Variants in COL15A1 observed in about 807,000 individuals in gnomAD.
The protein encoded by COL15A1 is collagen type XV alpha 1 chain, also known as collagen alpha-1(XV) chain.
COL15A1 carries 111 observed loss-of-function variants against 165.9 expected under a neutral mutation model. The observed-to-expected ratio is 0.67, with a 90% CI of 0.57 to 0.78. COL15A1 has a LOEUF of 0.78. Ranked by LOEUF, COL15A1 falls within the 30% of genes least tolerant of loss-of-function variation. The pLI, the probability that COL15A1 is intolerant of heterozygous loss-of-function variation, is 0.00. For missense variants in COL15A1, 1,745 were observed against 1,789.7 expected (o/e 0.98, Z 0.45); for synonymous variants, 659 against 674.8 (o/e 0.98, Z 0.36).
intron 14 of COL15A1, 74 bp downstream of exon 14, chr9:99,023,523 G>A (rs527392390): frequency 1.1e-5 from 8 of 735,230 alleles, no homozygotes; most frequent in African/African-American, 1.0e-4. Flanking sequence ...GGACGTGGGG[G>A]CCAGGGACAG....
chr9:99,034,586 T>TAAAAAAAAAAAAAAAAAAA lies in COL15A1; in HGVS notation c.2079+12_2079+30dup. On this transcript the variant is annotated splice_region_variant and intron_variant, in intron 17 of 41. Coordinates refer to ENST00000375001, the MANE Select transcript of COL15A1 (RefSeq NM_001855.5). ...CCTAATGGCTCAGTTGGTGAAAAGG[T>TAAAAAAAAAAAAAAAAAAA]AAAAAAAAAAAAAAAAAAAAAAAAA... is the stretch of plus-strand genomic sequence containing the variant. 1 of 1,073,434 alleles carries TAAAAAAAAAAAAAAAAAAA rather than the reference T, an allele frequency of 9.3e-7. No homozygotes were observed. 66.5% of individuals were successfully genotyped at this position (1,073,434 alleles called of 1,614,324 possible). A position where few individuals can be genotyped will look rare whatever the true frequency, so the allele number is the denominator to read the frequency against.
intron 26 of COL15A1, 105 bp downstream of exon 26, chr9:99,044,875 G>A: frequency 8.9e-7 from 1 of 1,124,370 alleles, no homozygotes. Flanking sequence ...ATTCAAAGAT[G>A]TGGCAAAGAT....
At chr9:99,052,774 G>A (rs111417579) in intron 31 of COL15A1, among the ~76,000 whole-genome samples, 2,129 of 152,192 alleles carry the variant, frequency 0.014, 97 homozygotes, top group South Asian at 0.12. Flanking sequence ...CCTGAGAAGC[G>A]CTGTTCCTGC....
At chr9:99,068,054 G>A (rs917393970) in intron 40 of COL15A1, among the ~76,000 whole-genome samples, 16 of 152,138 alleles carry the variant, frequency 1.1e-4, no homozygotes, top group Non-Finnish European at 2.2e-4. Flanking sequence ...AAAAGCAAAA[G>A]CGTTCATGGA....
At chr9:98,994,306 C>T (rs1838505943) in intron 5 of COL15A1, among the ~76,000 whole-genome samples, 1 of 152,190 alleles carries the variant, frequency 6.6e-6, no homozygotes. Context: ...TTCCCAACCA[C>T]ACCCAGATGC....
At chr9:98,971,084 T>A (rs1025921915) in intron 2 of COL15A1, among the ~76,000 whole-genome samples, 1 of 152,184 alleles carries the variant, frequency 6.6e-6, no homozygotes, top group African/African-American at 2.4e-5. Context: ...GCCTCCTGTA[T>A]CCTCCTCCCT....
intron 38 of COL15A1, 91 bp from the exon 39 acceptor site, chr9:99,062,959 T>G: frequency 6.8e-7 from 1 of 1,469,880 alleles, no homozygotes; most frequent in Non-Finnish European, 9.0e-7. Flanking sequence ...AAGCATCTTC[T>G]CAAGAAACAT....
At chr9:99,044,473 G>C (rs1478554879) in intron 24 of COL15A1, 95 bp from the exon 25 acceptor site, 2 of 1,125,132 alleles carry the variant, frequency 1.8e-6, no homozygotes, top group African/African-American at 3.1e-5. Flanking sequence ...AGAGGTCTCT[G>C]TACAAGGTGG....
chr9:98,989,963 AG>A (rs1838388569), intron 5 of COL15A1, among the ~76,000 whole-genome samples: 1 of 152,348 alleles, frequency 6.6e-6, no homozygotes, highest in South Asian at 2.1e-4. Context: ...AAGCAGCAGC[AG>A]AGTCACTAAA....
At chr9:98,958,890 C>T (rs28432368) in intron 2 of COL15A1, among the ~76,000 whole-genome samples, 2,118 of 152,092 alleles carry the variant, frequency 0.014, 58 homozygotes, top group African/African-American at 0.049. Flanking sequence ...AAGGCTGGCT[C>T]ATCACGGAGA....
In COL15A1 at chr9:99,000,919, G is replaced by A. The variant is rs768999780; in HGVS notation, c.1033G>A (p.Ala345Thr). ...GDPITDSGSGAGAFLDIAEEK... is the reference protein window; with the variant it reads ...GDPITDSGSGTGAFLDIAEEK... Reference sequence around the variant, plus strand: ...CCCCATTACTGACAGCGGCTCAGGGGCTGGGGCCTTCCTTGACATTGCTGA... The same window carrying A: ...CCCCATTACTGACAGCGGCTCAGGGACTGGGGCCTTCCTTGACATTGCTGA... Residue 345 changes from alanine to threonine, a missense_variant, in exon 7 of 42, where the codon GCT becomes ACT. By Grantham distance (58) the Ala-to-Thr change is moderately conservative (BLOSUM62 0). Coordinates refer to ENST00000375001, the MANE Select transcript of COL15A1 (RefSeq NM_001855.5). 14 of 1,587,350 alleles carry A rather than the reference G, an allele frequency of 8.8e-6. No individual in the cohort carries two copies. The highest frequency in any genetic ancestry group is 3.3e-5 in the Admixed American group (2 of 59,958).
chr9:99,033,135 G>A (rs2119042696), intron 16 of COL15A1, among the ~76,000 whole-genome samples: 1 of 152,250 alleles, frequency 6.6e-6, no homozygotes, highest in East Asian at 1.9e-4. Context: ...TCTGTTTTCT[G>A]CCTCTGTTGG....
chr9:98,965,641 G>C (rs776281916), intron 2 of COL15A1, among the ~76,000 whole-genome samples: 64 of 152,180 alleles, frequency 4.2e-4, no homozygotes, highest in Non-Finnish European at 8.4e-4. Context: ...CTAATTGTGT[G>C]GGTTTGCTCA....
intron 38 of COL15A1, 94 bp downstream of exon 38, chr9:99,062,398 G>C (rs1024928256): frequency 1.1e-6 from 1 of 942,134 alleles, no homozygotes; most frequent in African/African-American, 1.6e-5. Context: ...CCAAACTCTG[G>C]ACAGTCAGCT....
At chr9:98,955,627 G>A (rs138632468) in intron 2 of COL15A1, among the ~76,000 whole-genome samples, 59 of 152,376 alleles carry the variant, frequency 3.9e-4, no homozygotes, top group African/African-American at 1.3e-3. Context: ...CAGGGTGAGA[G>A]TAGGCACTGC....
intron 10 of COL15A1, 70 bp downstream of exon 10, chr9:99,015,636 T>A: frequency 6.7e-7 from 1 of 1,491,038 alleles, no homozygotes; most frequent in Non-Finnish European, 9.2e-7. Flanking sequence ...ACAACAGTCA[T>A]CCTTGGCCTT....
At chr9:99,063,191 C>T (rs1825843778) in intron 39 of COL15A1, 82 bp downstream of exon 39, 1 of 1,399,320 alleles carries the variant, frequency 7.1e-7, no homozygotes, top group Non-Finnish European at 9.4e-7. Flanking sequence ...GTACACAGTT[C>T]CTACCATCAT....
intron 16 of COL15A1, among the ~76,000 whole-genome samples, chr9:99,027,966 A>G (rs942809472): frequency 1.3e-5 from 2 of 152,236 alleles, no homozygotes; most frequent in African/African-American, 4.8e-5. Flanking sequence ...GCTGTAGTAG[A>G]TCATAAGATC....
chr9:99,038,647 G>A (rs750776445), intron 21 of COL15A1, 21 bp from the exon 22 acceptor site: 1 of 1,494,204 alleles, frequency 6.7e-7, no homozygotes, highest in Non-Finnish European at 9.3e-7. Context: ...TGTCCTCATT[G>A]TCTGATTTTT....
Sources: gnomAD v4.1 joint callset for allele counts (sites outside exome capture counted in the v4.1 genomes callset) on GRCh38, gnomAD v4.1.1 for gene constraint, MANE v1.5 for transcripts, NCBI Gene and HGNC (gene_info 2026-07-23, HGNC 2026-07-21) for gene names.